Variants in PERM1 observed in about 807,000 individuals in gnomAD.
PERM1 encodes PPARGC1 and ESRR induced regulator, muscle 1, also known as PGC-1 and ERR-induced regulator in muscle protein 1.
In PERM1, 45 loss-of-function variants were observed where a neutral mutation model predicts 44.1. The ratio of observed to expected loss-of-function variants is 1.02; its 90% confidence interval spans 0.80 to 1.31. PERM1 has a LOEUF of 1.31. Among genes scored for constraint, PERM1 ranks in the 50% most tolerant of loss-of-function variants. The probability of loss-of-function intolerance (pLI) is 0.00; values close to 1 mark genes in which losing one functional copy is unlikely to be tolerated. For synonymous variants in PERM1, 565 were observed against 477.1 expected (o/e 1.18, Z -2.40); for missense variants, 1,189 against 1,106.9 (o/e 1.07, Z -1.05).
At chr1:980,048 T>C (rs1487116357) in exon 1 of PERM1, 1 of 1,548,506 alleles carries the variant, frequency 6.5e-7, no homozygotes, top group Admixed American at 2.0e-5. Context: ...GACACAGCCA[T>C]GTCCCTGTCA....
At chr1:981,168 C>T (rs886848589), upstream of PERM1, 364 of 1,548,524 alleles carry the variant, frequency 2.4e-4, no homozygotes, top group Non-Finnish European at 3.0e-4. Context: ...GGGCTCCATC[C>T]ATGCCCTGAA....
exon 2 of PERM1, chr1:976,528 T>G (rs1210500700): frequency 6.5e-7 from 1 of 1,549,536 alleles, no homozygotes; most frequent in Non-Finnish European, 8.7e-7. Flanking sequence ...GGTATGCGGA[T>G]CTGACGTCCT....
chr1:980,258 G>C (rs1319309049), exon 1 of PERM1: 1 of 1,550,422 alleles, frequency 6.4e-7, no homozygotes, highest in African/African-American at 1.4e-5. Context: ...ACAGGGACAG[G>C]TGTAGACAGG....
exon 1 of PERM1, chr1:979,392 G>A (rs1422017013): frequency 2.3e-5 from 35 of 1,509,366 alleles, no homozygotes; most frequent in South Asian, 3.9e-5. Context: ...GCCGGGGCCC[G>A]ACAGCCACAG....
chr1:981,290 C>G, upstream of PERM1: 1 of 984,942 alleles, frequency 1.0e-6, no homozygotes, highest in African/African-American at 1.6e-5. Context: ...CAACGCACCC[C>G]AAATGATAGC....
chr1:981,467 C>T (rs1224926542), upstream of PERM1, among the ~76,000 whole-genome samples: 1 of 152,250 alleles, frequency 6.6e-6, no homozygotes, highest in Non-Finnish European at 1.5e-5. Flanking sequence ...CGGCAAAGCA[C>T]CTTTCAGGGT....
intron 2 of PERM1, 108 bp from the exon 4 acceptor site, chr1:976,377 C>A (rs1421593343): frequency 1.3e-5 from 20 of 1,496,192 alleles, no homozygotes; most frequent in Non-Finnish European, 1.8e-5. Context: ...GCCAGGGCCG[C>A]AGCTCAGCCT....
At chr1:981,939 G>A, upstream of PERM1, 17 of 760,840 alleles carry the variant, frequency 2.2e-5, no homozygotes, top group Non-Finnish European at 3.2e-5. Flanking sequence ...TGAGACGGAG[G>A]CCAGGGCATG....
exon 1 of PERM1, chr1:980,024 C>G: frequency 6.5e-7 from 1 of 1,548,228 alleles, no homozygotes; most frequent in Non-Finnish European, 8.7e-7. Context: ...GGTTGCGGCT[C>G]AGAGGCAGGT....
At chr1:978,457 G>C (rs1449162700) in intron 1 of PERM1, among the ~76,000 whole-genome samples, 1 of 152,180 alleles carries the variant, frequency 6.6e-6, no homozygotes. Context: ...CCTGAGATTT[G>C]GGTGACCTGG....
chr1:981,154 C>T (rs61744472), upstream of PERM1: 2,860 of 1,548,862 alleles, frequency 1.8e-3, 55 homozygotes, highest in African/African-American at 0.035. Flanking sequence ...CTCCCACCGC[C>T]TCGGGGCTCC....
chr1:980,308 C>T, exon 1 of PERM1: 1 of 1,550,326 alleles, frequency 6.5e-7, no homozygotes, highest in Non-Finnish European at 8.7e-7. Context: ...CACAGGGGAC[C>T]TGGGGCCAGG....
At chr1:981,839 G>A (rs1407571417), upstream of PERM1, among the ~76,000 whole-genome samples, 1 of 152,256 alleles carries the variant, frequency 6.6e-6, no homozygotes, top group Non-Finnish European at 1.5e-5. Context: ...CTAGCCAGCT[G>A]TCGGGTCTAC....
At position 976,488 on chromosome 1, in the gene PERM1, G is replaced by A. The variant is rs1258820624; in HGVS notation, c.2275+11C>T. The A allele has an allele frequency of 1.7e-5, 27 of 1,549,376 alleles. No individual in the cohort carries two copies. The highest frequency in any genetic ancestry group is 6.9e-5 in the African/African-American group (5 of 72,956). On this transcript the variant is annotated intron_variant, in intron 2 of 2. Coordinates refer to ENST00000433179, the Ensembl canonical transcript of PERM1. ...CTAGGCGCAGCTCCCTCTGCCCCCA[G>A]GCACCCAAACCTGTTTTCCAGGCGT...
chr1:978,193 A>C (rs572966201), intron 1 of PERM1, among the ~76,000 whole-genome samples: 7 of 88,858 alleles, frequency 7.9e-5, no homozygotes, highest in Admixed American at 2.4e-4. Context: ...AACCCTGCAC[A>C]CTCTTGGCCT....
chr1:979,958 T>G, exon 1 of PERM1: 1 of 1,549,864 alleles, frequency 6.5e-7, no homozygotes, highest in Non-Finnish European at 8.7e-7. Context: ...GACACAGCCA[T>G]GTCCCTGTCA....
chr1:978,860 G>A, intron 1 of PERM1, 21 bp downstream of exon 2: 1 of 1,455,398 alleles, frequency 6.9e-7, no homozygotes, highest in Non-Finnish European at 9.1e-7. Flanking sequence ...TGGACGGGCT[G>A]TGGGATCCGA....
At chr1:979,345 G>T in exon 1 of PERM1, 3 of 1,517,486 alleles carry the variant, frequency 2.0e-6, no homozygotes, top group Non-Finnish European at 2.7e-6. Context: ...AGAGGGAGGG[G>T]GGCGAGGCAG....
At chr1:981,407 C>T (rs1643790427), upstream of PERM1, among the ~76,000 whole-genome samples, 1 of 152,230 alleles carries the variant, frequency 6.6e-6, no homozygotes, top group Non-Finnish European at 1.5e-5. Flanking sequence ...CATCACACCT[C>T]AGCTGGGGCA....
Sources: gnomAD v4.1 joint callset for allele counts (sites outside exome capture counted in the v4.1 genomes callset) on GRCh38, gnomAD v4.1.1 for gene constraint, MANE v1.5 for transcripts, NCBI Gene and HGNC (gene_info 2026-07-23, HGNC 2026-07-21) for gene names.